The following GLE1 variants were observed in gnomAD, a reference collection of about 807,000 sequenced individuals.
The protein encoded by GLE1 is mRNA export factor GLE1.
Under a neutral mutation model 97.3 loss-of-function variants are expected in GLE1, and 78 were observed. The ratio of observed to expected loss-of-function variants is 0.80; its 90% CI spans 0.67 to 0.97. The LOEUF (loss-of-function observed/expected upper bound fraction) is 0.97, where lower values mean the gene tolerates loss of function less well. Ranked by LOEUF, GLE1 falls within the 50% of genes least tolerant of loss-of-function variation. The pLI, the probability that GLE1 is intolerant of heterozygous loss-of-function variation, is 0.00. For missense variants in GLE1, 753 were observed against 857.5 expected (o/e 0.88, Z 1.52); for synonymous variants, 302 against 313.4 (o/e 0.96, Z 0.39).
chr9:128,518,355 G>C (rs1023876252), intron 3 of GLE1, among the ~76,000 whole-genome samples: 2 of 152,102 alleles, frequency 1.3e-5, no homozygotes, highest in African/African-American at 4.8e-5. Context: ...GAGGTCAGGA[G>C]TTTGACACCA....
chr9:128,526,507 C>G (rs538995907), intron 7 of GLE1, among the ~76,000 whole-genome samples: 1 of 152,176 alleles, frequency 6.6e-6, no homozygotes, highest in Admixed American at 6.5e-5. Context: ...CAGGCATGCA[C>G]CACCACACCT....
At chr9:128,520,663 G>A (rs560412862) in intron 3 of GLE1, among the ~76,000 whole-genome samples, 8 of 151,606 alleles carry the variant, frequency 5.3e-5, no homozygotes, top group Non-Finnish European at 8.8e-5. Flanking sequence ...TTCTGCTCCC[G>A]TGAGGCATCG....
At position 128,525,426 on chromosome 9, in the gene GLE1, G is replaced by T; in HGVS notation, c.1129+3G>T. On this transcript the variant is annotated splice_donor_region_variant and intron_variant, in intron 7 of 15. Coordinates refer to ENST00000309971, the MANE Select transcript of GLE1 (RefSeq NM_001003722.2). ...CCCAGGAGGGAAACAGAATGAAGGT[G>T]GGTTTCAGTATGGATGTGGTCCTTT... 1 of 1,556,330 alleles carries T rather than the reference G, an allele frequency of 6.4e-7. No individual in the cohort carries two copies. The highest frequency in any genetic ancestry group is 8.8e-7 in the Non-Finnish European group (1 of 1,136,774).
intron 1 of GLE1, among the ~76,000 whole-genome samples, chr9:128,507,618 T>C (rs1035280738): frequency 6.9e-6 from 1 of 145,372 alleles, no homozygotes; most frequent in African/African-American, 2.5e-5. Flanking sequence ...TCGGGCGTGG[T>C]GGCTCACGCC....
intron 2 of GLE1, among the ~76,000 whole-genome samples, chr9:128,510,390 G>A (rs1026657614): frequency 4.6e-5 from 7 of 151,866 alleles, no homozygotes; most frequent in African/African-American, 1.2e-4. Context: ...TATCACGCCC[G>A]GCTTATGTTT....
At position 128,533,648 on chromosome 9, in the gene GLE1, A is replaced by C. The variant is rs1392627302; in HGVS notation, c.1448A>C (p.Lys483Thr). 1 of 1,614,102 alleles carries C rather than the reference A, an allele frequency of 6.2e-7. No individual in the cohort carries two copies. Among genetic ancestry groups the C allele is most frequent in the East Asian group, 2.2e-5 (1 of 44,876 alleles). ...TTTGTTCAATACAAACTGGCAGAGA[A>C]ATTTGTGGTGAGAAACCTTGTTGCT... is the stretch of plus-strand genomic sequence containing the variant. ...LDFVQYKLAE[K>T]FVKQGEEEVA... Residue 483 changes from lysine (K) to threonine (T), a missense_variant, in exon 10 of 16, where the codon AAA becomes ACA. Transcript: ENST00000309971.
chr9:128,515,619 G>T lies in GLE1; in HGVS notation c.412G>T (p.Val138Leu). The T allele has an allele frequency of 6.3e-7, 1 of 1,584,054 alleles. No individual in the cohort carries two copies. The highest frequency in any genetic ancestry group is 8.7e-7 in the Non-Finnish European group (1 of 1,152,702). Residue 138 changes from valine to leucine, a missense_variant, in exon 3 of 16, where the codon GTA becomes TTA. Physicochemically the swap from Val to Leu is conservative, Grantham distance 32. Transcript: ENST00000309971. ...VEGCVRMYEL[V>L]HRMKGTEGLR... ...AGGCTGCGTCCGAATGTACGAACTG[G>T]TACACAGAATGAAAGGAACAGTAAG...
At position 128,523,652 on chromosome 9, in the gene GLE1, C is replaced by T. The variant is rs761172264; in HGVS notation, c.703C>T (p.Arg235Trp). The change falls in exon 6 of 16, where the codon CGG becomes TGG. Residue 235 changes from arginine (R) to tryptophan (W), a missense_variant. By Grantham distance (101) the Arg-to-Trp change is moderately radical. Transcript: ENST00000309971. ...GCGCGTGAAGCAAGCAGAACAGGAG[C>T]GGCTTCGGAAGGAAGAAGGCCAGAT... ...QQRVKQAEQE[R>W]LRKEEGQIRL... The T allele has an allele frequency of 5.0e-6, 8 of 1,614,006 alleles. No homozygotes were observed. In the Admixed American group the frequency reaches 5.0e-5, roughly 10 times the overall value.
chr9:128,536,616 G>T, intron 12 of GLE1, 132 bp downstream of exon 12: 1 of 787,480 alleles, frequency 1.3e-6, no homozygotes, highest in Non-Finnish European at 2.2e-6. Context: ...GCAGTTTCAT[G>T]GGTATTATGT....
intron 14 of GLE1, 183 bp downstream of exon 14, chr9:128,539,881 G>C: frequency 6.7e-7 from 1 of 1,495,550 alleles, no homozygotes; most frequent in Non-Finnish European, 8.9e-7. Flanking sequence ...ACCTTAATGA[G>C]AGTCTGTCTT....
chr9:128,525,153 G>T, intron 6 of GLE1, 39 bp from the exon 7 acceptor site: 1 of 1,451,354 alleles, frequency 6.9e-7, no homozygotes, highest in South Asian at 1.1e-5. Flanking sequence ...GATTTACCTA[G>T]GGAATGACCA....
intron 1 of GLE1, among the ~76,000 whole-genome samples, chr9:128,508,209 G>C (rs1326232916): frequency 6.7e-6 from 1 of 148,352 alleles, no homozygotes; most frequent in Non-Finnish European, 1.5e-5. Flanking sequence ...GACCAGCCTG[G>C]GCAACATATC....
At chr9:128,525,878 T>A (rs964200323) in intron 7 of GLE1, among the ~76,000 whole-genome samples, 2 of 151,814 alleles carry the variant, frequency 1.3e-5, no homozygotes, top group Admixed American at 1.3e-4. Flanking sequence ...TGAGCTGAGG[T>A]GGTGCCACTG....
chr9:128,532,846 A>C (rs1389513852), intron 9 of GLE1, among the ~76,000 whole-genome samples: 11 of 152,170 alleles, frequency 7.2e-5, no homozygotes, highest in Non-Finnish European at 1.5e-4. Flanking sequence ...GTACAAATAT[A>C]GCTGTTACGA....
At position 128,517,307 on chromosome 9, in the gene GLE1, A is replaced by T. The variant is rs116241296; in HGVS notation, c.432+1668A>T. On this transcript the variant is annotated intron_variant, in intron 3 of 15. Transcript: ENST00000309971. ...TTTATCTCAAAAAAAAAAAAGAAAA[A>T]GAAAATGAAAGTCTTCTAACATCTT... 3.3e-3 allele frequency among the ~76,000 whole-genome samples: 502 copies of T among 152,206 alleles called. 3 individuals are homozygous for T. Among genetic ancestry groups the T allele is most frequent in the African/African-American group, 0.012 (487 of 41,530 alleles).
intron 9 of GLE1, among the ~76,000 whole-genome samples, chr9:128,531,292 CTGAGGTGGG>C (rs1310872912): frequency 6.7e-6 from 1 of 149,358 alleles, no homozygotes; most frequent in African/African-American, 2.5e-5. Context: ...CTTTAGGCGG[CTGAGGTGGG>C]TGAATCATAG....
Position 128,515,591 on chromosome 9 carries a change from G to A in GLE1, c.384G>A (p.Val128=), listed in dbSNP as rs768968019. 50 of 1,608,774 alleles carry A rather than the reference G, an allele frequency of 3.1e-5. 2 individuals are homozygous for A. The South Asian group carries it at 5.5e-4, about 18-fold the overall frequency. Residue 128 remains valine, a synonymous_variant, in exon 3 of 16, where the codon GTG becomes GTA. Transcript: ENST00000309971. ...TTCAGTCCTCACGGGGGATCAAAGTGGAAGGCTGCGTCCGAATGTACGAAC... is the reference window on the plus strand; with the variant it reads ...TTCAGTCCTCACGGGGGATCAAAGTAGAAGGCTGCGTCCGAATGTACGAAC... ...MVLQSSRGIK[V]EGCVRMYELV... is the part of the protein sequence containing the mutation.
intron 6 of GLE1, 23 bp downstream of exon 6, chr9:128,523,869 T>C (rs1847225346): frequency 2.5e-6 from 4 of 1,612,794 alleles, no homozygotes; most frequent in Non-Finnish European, 2.5e-6. Flanking sequence ...TCAGAGTGAC[T>C]CTTTGCTGTC....
rs1174724065 is a variant in GLE1, at chr9:128,522,553, T to G, written c.433-115T>G. 1.1e-5 allele frequency: 13 copies of G among 1,173,118 alleles called. No individual in the cohort carries two copies. In the African/African-American group the frequency reaches 2.1e-4, roughly 19 times the overall value. 72.7% of individuals were successfully genotyped at this position (1,173,118 alleles called of 1,614,324 possible). A position where few individuals can be genotyped will look rare whatever the true frequency, so the allele number is the denominator to read the frequency against. Reference sequence around the variant, plus strand: ...CTGTAGTCCCAGCTACTTGGGGAGCTGAGACAAGAATCGCTTGAACCCGGG... The same window carrying G: ...CTGTAGTCCCAGCTACTTGGGGAGCGGAGACAAGAATCGCTTGAACCCGGG... On this transcript the variant is annotated intron_variant, in intron 3 of 15. Transcript: ENST00000309971.
Sources: allele counts gnomAD v4.1 joint callset (sites outside exome capture counted in the v4.1 genomes callset), GRCh38; gene constraint gnomAD v4.1.1; transcripts MANE v1.5; gene names NCBI Gene and HGNC (gene_info 2026-07-23, HGNC 2026-07-21).